The following BICC1 variants were observed in gnomAD, a reference collection of about 807,000 sequenced individuals.
BICC1 encodes BicC family RNA binding protein 1.
Under a neutral mutation model 111.0 loss-of-function variants are expected in BICC1, and 43 were observed. The ratio of observed to expected loss-of-function variants is 0.39; its 90% CI spans 0.30 to 0.50. The LOEUF (loss-of-function observed/expected upper bound fraction) is 0.50, where lower values mean the gene tolerates loss of function less well. Among genes scored for constraint, BICC1 ranks in the 20% least tolerant of loss-of-function variants. The pLI is 0.88. For missense variants in BICC1, 1,091 were observed against 1,203.2 expected (o/e 0.91, Z 1.38); for synonymous variants, 467 against 434.4 (o/e 1.07, Z -0.93).
In BICC1 at chr10:58,715,927, A is replaced by G. The variant is rs182913687; in HGVS notation, c.307+13784A>G. ...TTCTTCTGATTCTGAAGATGAGGATAAGAAACAAGGAAAATGAAGAAAGAA... is the reference window on the plus strand; with the variant it reads ...TTCTTCTGATTCTGAAGATGAGGATGAGAAACAAGGAAAATGAAGAAAGAA... On this transcript the variant is annotated intron_variant, in intron 3 of 20. Coordinates refer to ENST00000373886, the MANE Select transcript of BICC1 (RefSeq NM_001080512.3). 457 of 1,326,222 alleles carry G rather than the reference A, an allele frequency of 3.4e-4. 1 individual carries two copies. The East Asian group carries it at 8.2e-3, about 24-fold the overall frequency. The allele number at this position is 1,326,222 out of a possible 1,614,324, so 82.2% of individuals were successfully genotyped here.
intron 20 of BICC1, among the ~76,000 whole-genome samples, chr10:58,821,716 G>A (rs1421132694): frequency 6.6e-6 from 1 of 152,158 alleles, no homozygotes; most frequent in Non-Finnish European, 1.5e-5. Context: ...ACTCCACAGG[G>A]AAAATGCATA....
intron 17 of BICC1, among the ~76,000 whole-genome samples, chr10:58,808,141 T>C (rs1220280064): frequency 1.3e-5 from 2 of 151,772 alleles, no homozygotes; most frequent in African/African-American, 4.9e-5. Context: ...TAAAAGAGTC[T>C]CCTGTGAATT....
At chr10:58,598,891 CAT>C (rs1564505564) in intron 1 of BICC1, among the ~76,000 whole-genome samples, 1 of 152,134 alleles carries the variant, frequency 6.6e-6, no homozygotes, top group Non-Finnish European at 1.5e-5. Context: ...GGCCAACAGA[CAT>C]ATGAAAAAAT....
intron 1 of BICC1, among the ~76,000 whole-genome samples, chr10:58,589,818 G>A (rs1844547947): frequency 6.6e-6 from 1 of 151,684 alleles, no homozygotes; most frequent in Admixed American, 6.6e-5. Flanking sequence ...TTTTAGTGAT[G>A]GGGTCTCATT....
At chr10:58,779,032 TGTATTTTCACCGTAAAA>T (rs1842818256) in intron 3 of BICC1, among the ~76,000 whole-genome samples, 1 of 152,194 alleles carries the variant, frequency 6.6e-6, no homozygotes, top group South Asian at 2.1e-4. Flanking sequence ...TGGTAAAGTA[TGTATTTTCACCGTAAAA>T]AAAATGTGAT....
intron 3 of BICC1, among the ~76,000 whole-genome samples, chr10:58,783,099 T>G (rs1250080781): frequency 6.6e-6 from 1 of 152,166 alleles, no homozygotes; most frequent in Non-Finnish European, 1.5e-5. Context: ...TCTTAAGACC[T>G]TTGACCTTCA....
chr10:58,632,645 G>A (rs985329901), intron 2 of BICC1, among the ~76,000 whole-genome samples: 2 of 152,186 alleles, frequency 1.3e-5, no homozygotes, highest in African/African-American at 4.8e-5. Context: ...TTGTGGCACA[G>A]TTTCTGAGCA....
At chr10:58,582,312 T>A (rs528335586) in intron 1 of BICC1, among the ~76,000 whole-genome samples, 9 of 152,220 alleles carry the variant, frequency 5.9e-5, no homozygotes, top group Non-Finnish European at 1.3e-4. Flanking sequence ...TAACATGATG[T>A]GGTCTTTTTG....
Position 58,620,878 on chromosome 10 carries a change from A to G in BICC1, c.214A>G (p.Ser72Gly). The part of the protein sequence containing the change: ...LQAAAEGKGR[S>G]GEDFFQKIME... Reference sequence around the variant, plus strand: ...AGCTGCTGCTGAAGGGAAAGGCAGAAGTGGGGAAGACTTTTTTCAAAAGGT... The same window carrying G: ...AGCTGCTGCTGAAGGGAAAGGCAGAGGTGGGGAAGACTTTTTTCAAAAGGT... The change falls in exon 2 of 21, where the codon AGT becomes GGT. Residue 72 changes from serine (S) to glycine (G), a missense_variant. Transcript: ENST00000373886. 6.2e-7 allele frequency: 1 copy of G among 1,613,712 alleles called. No homozygotes were observed. The highest frequency in any genetic ancestry group is 8.5e-7 in the Non-Finnish European group (1 of 1,179,834).
At chr10:58,558,546 C>A (rs900094442) in intron 1 of BICC1, among the ~76,000 whole-genome samples, 2 of 152,018 alleles carry the variant, frequency 1.3e-5, no homozygotes, top group Non-Finnish European at 2.9e-5. Flanking sequence ...TTTATGTTTT[C>A]CATTTTTGAG....
intron 2 of BICC1, among the ~76,000 whole-genome samples, chr10:58,634,802 T>C (rs549752342): frequency 6.6e-6 from 1 of 152,308 alleles, no homozygotes; most frequent in South Asian, 2.1e-4. Flanking sequence ...ATAACATGCA[T>C]TTTGTATGTT....
chr10:58,547,782 G>T (rs1388981537), intron 1 of BICC1, among the ~76,000 whole-genome samples: 1 of 152,128 alleles, frequency 6.6e-6, no homozygotes, highest in Non-Finnish European at 1.5e-5. Flanking sequence ...AGCTCTTTCA[G>T]TTGGCTACTG....
At chr10:58,744,866 A>G (rs1365177580) in intron 3 of BICC1, among the ~76,000 whole-genome samples, 2 of 152,172 alleles carry the variant, frequency 1.3e-5, no homozygotes, top group Non-Finnish European at 2.9e-5. Flanking sequence ...CCTTATAGGA[A>G]CTGAACCATA....
chr10:58,626,299 A>G (rs766949976), intron 2 of BICC1, among the ~76,000 whole-genome samples: 6 of 152,202 alleles, frequency 3.9e-5, no homozygotes, highest in Admixed American at 6.5e-5. Flanking sequence ...ACCGATCACT[A>G]TACTATTGCC....
In BICC1 at chr10:58,789,694, A is replaced by G. The variant is rs753582128; in HGVS notation, c.808A>G (p.Met270Val). 4.3e-6 allele frequency: 7 copies of G among 1,614,170 alleles called. No individual in the cohort carries two copies. The highest frequency in any genetic ancestry group is 2.2e-5 in the South Asian group (2 of 91,084). The change falls in exon 8 of 21, where the codon ATG becomes GTG. Residue 270 changes from methionine to valine, a missense_variant. Physicochemically the swap from Met to Val is conservative, Grantham distance 21. Around this residue, in one of 3 missense-constraint regions of BICC1, gnomAD observed 843 missense variants for 900.8 expected, o/e 0.94. Coordinates refer to ENST00000373886, the MANE Select transcript of BICC1 (RefSeq NM_001080512.3). ...NTSAVKEGTAMLLEHLAGSLA... is the reference protein window; with the variant it reads ...NTSAVKEGTAVLLEHLAGSLA... ...CCTTTTCTCTTAGGAAGGAACTGCCATGCTGTTAGAACATCTTGCTGGGAG... is the reference window on the plus strand; with the variant it reads ...CCTTTTCTCTTAGGAAGGAACTGCCGTGCTGTTAGAACATCTTGCTGGGAG...
At chr10:58,539,485 C>T (rs1356851504) in intron 1 of BICC1, among the ~76,000 whole-genome samples, 1 of 151,400 alleles carries the variant, frequency 6.6e-6, no homozygotes, top group Non-Finnish European at 1.5e-5. Context: ...CTCCATGGTA[C>T]CGTTCATCCA....
At chr10:58,720,888 A>G (rs1000859777) in intron 3 of BICC1, among the ~76,000 whole-genome samples, 2 of 152,182 alleles carry the variant, frequency 1.3e-5, no homozygotes, top group African/African-American at 4.8e-5. Context: ...TGATAAGAGC[A>G]AGGAATTGGG....
chr10:58,662,683 GA>G (rs1167406600), intron 2 of BICC1, among the ~76,000 whole-genome samples: 2 of 152,114 alleles, frequency 1.3e-5, no homozygotes, highest in Admixed American at 6.6e-5. Flanking sequence ...CCTTGTTTTT[GA>G]AACATAGGAA....
intron 1 of BICC1, among the ~76,000 whole-genome samples, chr10:58,552,538 T>C (rs1843324017): frequency 6.6e-6 from 1 of 152,098 alleles, no homozygotes; most frequent in Non-Finnish European, 1.5e-5. Flanking sequence ...GGTTTCACCG[T>C]GTTAGCCAGG....
Sources: gnomAD v4.1 joint callset for allele counts (sites outside exome capture counted in the v4.1 genomes callset) on GRCh38, gnomAD v4.1.1 for gene constraint, gnomAD v4.1.1 regional missense constraint, MANE v1.5 for transcripts, NCBI Gene and HGNC (gene_info 2026-07-23, HGNC 2026-07-21) for gene names.